ACTR3C: variants seen among roughly 807,000 people sequenced by gnomAD.
ACTR3C encodes the protein actin-related protein 3C.
ACTR3C carries 18 observed loss-of-function variants against 26.3 expected under a neutral mutation model. The observed-to-expected ratio is 0.68, with a 90% confidence interval of 0.47 to 1.01. The LOEUF is 1.01. Among genes scored for constraint, ACTR3C ranks in the 50% least tolerant of loss-of-function variants. ACTR3C has a pLI of 0.00. For synonymous variants in ACTR3C, 55 were observed against 94.5 expected, an observed-to-expected ratio of 0.58 and a Z score of 2.42; for missense variants, 184 against 250.7, an observed-to-expected ratio of 0.73 and a Z score of 1.80.
intron 6 of ACTR3C, among the ~76,000 whole-genome samples, chr7:150,277,000 T>C (rs1419837337): frequency 1.3e-5 from 2 of 152,342 alleles, no homozygotes; most frequent in Non-Finnish European, 1.5e-5. Context: ...TAAGGAAAGA[T>C]GACCCTCTAT....
the ACTR3C span, among the ~76,000 whole-genome samples, chr7:150,079,767 C>G: frequency 6.6e-6 from 1 of 152,154 alleles, no homozygotes; most frequent in East Asian, 1.9e-4. Context: ...GAGTCTTGCC[C>G]TTTTCCCAGC....
the ACTR3C span, among the ~76,000 whole-genome samples, chr7:150,121,883 A>G: frequency 1.4e-4 from 21 of 152,332 alleles, no homozygotes; most frequent in East Asian, 3.5e-3. Context: ...AAACAGATAT[A>G]TCAACCAATG....
chr7:149,968,453 A>G, the ACTR3C span, among the ~76,000 whole-genome samples: 1,645 of 152,280 alleles, frequency 0.011, 21 homozygotes, highest in African/African-American at 0.037. Context: ...GAATGGCGTG[A>G]ACCCAGGAGG....
the ACTR3C span, among the ~76,000 whole-genome samples, chr7:149,898,782 C>CT: frequency 6.6e-6 from 1 of 152,100 alleles, no homozygotes; most frequent in Admixed American, 6.5e-5. Context: ...AAGTATACTT[C>CT]TTTTAACAAC....
chr7:149,918,905 G>A, the ACTR3C span, among the ~76,000 whole-genome samples: 3 of 152,270 alleles, frequency 2.0e-5, no homozygotes, highest in East Asian at 1.9e-4. Flanking sequence ...TGGTGCCCAT[G>A]TACCTGTGGG....
the ACTR3C span, among the ~76,000 whole-genome samples, chr7:150,068,782 C>CA: frequency 0.37 from 28,358 of 75,930 alleles, 3,733 homozygotes; most frequent in African/African-American, 0.42. Flanking sequence ...GACTCCGTCC[C>CA]AAAAAAAAAA....
At chr7:150,054,955 G>A in the ACTR3C span, among the ~76,000 whole-genome samples, 1 of 152,194 alleles carries the variant, frequency 6.6e-6, no homozygotes. Context: ...CTTTTCTTTT[G>A]TGAATAGATG....
At chr7:150,308,343 T>C (rs535376946) in intron 1 of ACTR3C, among the ~76,000 whole-genome samples, 26 of 152,318 alleles carry the variant, frequency 1.7e-4, no homozygotes, top group African/African-American at 4.8e-4. Flanking sequence ...AGAGTCTTAT[T>C]TTCTTCTGCA....
the ACTR3C span, among the ~76,000 whole-genome samples, chr7:149,965,719 G>A: frequency 5.3e-5 from 8 of 152,350 alleles, no homozygotes; most frequent in East Asian, 1.9e-4. Flanking sequence ...TCTGGGAGCC[G>A]TGGAGAATTT....
At chr7:150,043,888 A>T in the ACTR3C span, among the ~76,000 whole-genome samples, 1 of 152,240 alleles carries the variant, frequency 6.6e-6, no homozygotes, top group African/African-American at 2.4e-5. Context: ...GGACACATTA[A>T]CAGAATGTTG....
the ACTR3C span, among the ~76,000 whole-genome samples, chr7:150,030,739 C>T: frequency 2.0e-5 from 3 of 152,134 alleles, no homozygotes; most frequent in African/African-American, 7.3e-5. Context: ...TCAGGAGCCC[C>T]TTCCCACACA....
chr7:150,063,560 T>C, the ACTR3C span, among the ~76,000 whole-genome samples: 4 of 151,606 alleles, frequency 2.6e-5, no homozygotes, highest in Non-Finnish European at 5.9e-5. Context: ...ACTGATTTTA[T>C]AATTAACATG....
the ACTR3C span, among the ~76,000 whole-genome samples, chr7:150,180,186 T>C: frequency 2.7e-5 from 4 of 149,894 alleles, 2 homozygotes; most frequent in African/African-American, 1.0e-4. Flanking sequence ...GCACCTGTAG[T>C]CCCAGCTACT....
the ACTR3C span, among the ~76,000 whole-genome samples, chr7:150,151,965 C>T: frequency 7.2e-6 from 1 of 138,802 alleles, no homozygotes; most frequent in Admixed American, 7.3e-5. Flanking sequence ...TATAAGAATG[C>T]TTGTGATTTT....
At chr7:149,955,119 A>G in the ACTR3C span, among the ~76,000 whole-genome samples, 1 of 152,236 alleles carries the variant, frequency 6.6e-6, no homozygotes, top group Non-Finnish European at 1.5e-5. Flanking sequence ...GACATAAAGT[A>G]TAAGTCATTT....
the ACTR3C span, among the ~76,000 whole-genome samples, chr7:150,161,574 T>C: frequency 6.6e-6 from 1 of 152,186 alleles, no homozygotes; most frequent in African/African-American, 2.4e-5. Flanking sequence ...TAGTATTCCA[T>C]GGTGCATGTG....
At chr7:150,144,443 A>T in the ACTR3C span, among the ~76,000 whole-genome samples, 333 of 152,290 alleles carry the variant, frequency 2.2e-3, 1 homozygote, top group Non-Finnish European at 3.6e-3. The surrounding 1 kb of genome is among the most constrained non-coding windows in gnomAD (Gnocchi z 4.6). Context: ...TTACCTGGAA[A>T]TATTTCTGGC....
chr7:150,278,970 T>A (rs138142449), intron 6 of ACTR3C, among the ~76,000 whole-genome samples: 2 of 152,238 alleles, frequency 1.3e-5, no homozygotes, highest in Admixed American at 6.5e-5. Flanking sequence ...ATTTTCTCTC[T>A]TCAAATACTA....
the ACTR3C span, among the ~76,000 whole-genome samples, chr7:150,020,816 T>A: frequency 2.0e-5 from 3 of 152,162 alleles, no homozygotes; most frequent in Non-Finnish European, 2.9e-5. Flanking sequence ...GTCTGCTTTT[T>A]AAAAATTTAT....
Sources: gnomAD v4.1 joint callset for allele counts (sites outside exome capture counted in the v4.1 genomes callset) on GRCh38, gnomAD v4.1.1 for gene constraint, Gnocchi (gnomAD v3.1) non-coding constraint, MANE v1.5 for transcripts, NCBI Gene and HGNC (gene_info 2026-07-23, HGNC 2026-07-21) for gene names.